MPPED2: variants seen among roughly 807,000 people sequenced by gnomAD.
MPPED2 encodes metallophosphoesterase MPPED2.
Under a neutral mutation model 33.0 loss-of-function variants are expected in MPPED2, and 5 were observed. The ratio of observed to expected loss-of-function variants is 0.15; its 90% CI spans 0.08 to 0.32. The LOEUF is 0.32. Ranked by LOEUF, MPPED2 falls within the 10% of genes least tolerant of loss-of-function variation. The pLI is 1.00. For missense variants in MPPED2, 275 were observed against 372.1 expected, an observed-to-expected ratio of 0.74 and a Z score of 2.15; for synonymous variants, 136 against 141.9, an observed-to-expected ratio of 0.96 and a Z score of 0.29.
At chr11:30,543,256 T>A (rs971103564) in intron 2 of MPPED2, among the ~76,000 whole-genome samples, 2 of 152,176 alleles carry the variant, frequency 1.3e-5, no homozygotes, top group African/African-American at 4.8e-5. Flanking sequence ...CACATACAGG[T>A]CTCTTCAGAG....
At chr11:30,445,929 C>T (rs567874077) in intron 4 of MPPED2, among the ~76,000 whole-genome samples, 8 of 152,172 alleles carry the variant, frequency 5.3e-5, no homozygotes, top group South Asian at 2.1e-4. Flanking sequence ...TACAAATATC[C>T]GTTCAAGTTC....
chr11:30,508,564 T>C (rs1051966147), intron 3 of MPPED2, among the ~76,000 whole-genome samples: 41 of 152,220 alleles, frequency 2.7e-4, no homozygotes, highest in African/African-American at 9.6e-4. Context: ...GTTTCCATGG[T>C]TGACAGCCCT....
At chr11:30,441,777 G>A (rs1949583683) in intron 4 of MPPED2, among the ~76,000 whole-genome samples, 1 of 151,976 alleles carries the variant, frequency 6.6e-6, no homozygotes, top group African/African-American at 2.4e-5. Flanking sequence ...CTGATTCCCA[G>A]TGGGAACAAG....
exon 7 of MPPED2, chr11:30,388,000 C>G (rs972750331): frequency 6.6e-6 from 1 of 152,148 alleles, no homozygotes; most frequent in Non-Finnish European, 1.5e-5. Flanking sequence ...ATTTAATAAT[C>G]GCAGATGGAG....
At chr11:30,555,811 T>C (rs1955939816) in intron 2 of MPPED2, among the ~76,000 whole-genome samples, 1 of 152,182 alleles carries the variant, frequency 6.6e-6, no homozygotes, top group Non-Finnish European at 1.5e-5. Flanking sequence ...ACAATGAGTA[T>C]GTCTATGAAC....
intron 4 of MPPED2, among the ~76,000 whole-genome samples, chr11:30,428,600 G>A (rs1948945711): frequency 6.6e-6 from 1 of 152,196 alleles, no homozygotes; most frequent in Admixed American, 6.5e-5. Flanking sequence ...CCAGAACTTT[G>A]TAGTGCAATG....
intron 4 of MPPED2, among the ~76,000 whole-genome samples, chr11:30,478,931 T>G: frequency 6.6e-6 from 1 of 152,136 alleles, no homozygotes; most frequent in Non-Finnish European, 1.5e-5. Flanking sequence ...AAAAAAGTTC[T>G]TGATGCTTTA....
chr11:30,480,286 A>G (rs1300182877), intron 4 of MPPED2, among the ~76,000 whole-genome samples: 2 of 152,088 alleles, frequency 1.3e-5, no homozygotes, highest in Non-Finnish European at 2.9e-5. Flanking sequence ...GTACAAACAT[A>G]AAGAACTAGA....
intron 4 of MPPED2, among the ~76,000 whole-genome samples, chr11:30,463,650 G>A (rs1329988780): frequency 4.6e-5 from 7 of 152,212 alleles, no homozygotes; most frequent in African/African-American, 1.7e-4. Context: ...GAGCTCAGAA[G>A]TGTAAAGGAA....
chr11:30,505,570 G>A (rs1271458755), intron 3 of MPPED2, among the ~76,000 whole-genome samples: 1 of 152,168 alleles, frequency 6.6e-6, no homozygotes, highest in Non-Finnish European at 1.5e-5. Context: ...TTACAAATGA[G>A]GGTCTTGGCT....
intron 3 of MPPED2, among the ~76,000 whole-genome samples, chr11:30,496,668 G>T (rs1039570312): frequency 1.8e-5 from 2 of 111,864 alleles, no homozygotes; most frequent in African/African-American, 7.1e-5. Context: ...GAGTCTCAAT[G>T]ATTTCATTAA....
At chr11:30,552,159 A>G (rs1955744771) in intron 2 of MPPED2, among the ~76,000 whole-genome samples, 1 of 152,190 alleles carries the variant, frequency 6.6e-6, no homozygotes, top group Admixed American at 6.5e-5. Context: ...TAAAACTGTC[A>G]TCTTCTATAG....
At chr11:30,393,056 A>G (rs1036222163) in intron 6 of MPPED2, among the ~76,000 whole-genome samples, 2 of 152,148 alleles carry the variant, frequency 1.3e-5, no homozygotes, top group Non-Finnish European at 1.5e-5. Context: ...CACTCCTTGT[A>G]TTTGGGAACC....
intron 4 of MPPED2, among the ~76,000 whole-genome samples, chr11:30,435,361 G>A (rs1296498870): frequency 6.6e-6 from 1 of 152,170 alleles, no homozygotes; most frequent in African/African-American, 2.4e-5. Context: ...CAAAAGTGGT[G>A]CTGTCTGCCT....
chr11:30,487,336 G>T (rs1289135124), intron 4 of MPPED2, among the ~76,000 whole-genome samples: 4 of 152,160 alleles, frequency 2.6e-5, no homozygotes, highest in Admixed American at 2.0e-4. Context: ...TATGCCCAGG[G>T]CTGCTGTCTC....
chr11:30,397,620 G>T (rs975441796), intron 6 of MPPED2, among the ~76,000 whole-genome samples: 2 of 152,084 alleles, frequency 1.3e-5, no homozygotes, highest in African/African-American at 4.8e-5. Context: ...GCTCACATGT[G>T]TCAGGTACCA....
At chr11:30,559,513 A>G (rs967843095) in intron 2 of MPPED2, among the ~76,000 whole-genome samples, 6 of 152,162 alleles carry the variant, frequency 3.9e-5, no homozygotes, top group African/African-American at 1.4e-4. Flanking sequence ...TGATGTGTCA[A>G]TTAAAAGCTT....
chr11:30,543,195 G>C (rs1305679566), intron 2 of MPPED2, among the ~76,000 whole-genome samples: 1 of 152,122 alleles, frequency 6.6e-6, no homozygotes, highest in Admixed American at 6.5e-5. Context: ...AGATATAAAG[G>C]TTCCTCATTC....
chr11:30,525,609 AAC>A (rs1187474883), intron 3 of MPPED2, among the ~76,000 whole-genome samples: 1 of 152,156 alleles, frequency 6.6e-6, no homozygotes, highest in Non-Finnish European at 1.5e-5. Context: ...TGAAGGCTGG[AAC>A]ACAGAGTCAA....
Sources: gnomAD v4.1 joint callset for allele counts (sites outside exome capture counted in the v4.1 genomes callset) on GRCh38, gnomAD v4.1.1 for gene constraint, MANE v1.5 for transcripts, NCBI Gene and HGNC (gene_info 2026-07-23, HGNC 2026-07-21) for gene names.